The following ANKS1B variants were observed in gnomAD, a reference collection of about 807,000 sequenced individuals.
ANKS1B encodes the protein ankyrin repeat and sterile alpha motif domain-containing protein 1B.
In ANKS1B, 36 loss-of-function variants were observed where a neutral mutation model predicts 148.3. The ratio of observed to expected loss-of-function variants is 0.24; its 90% CI spans 0.19 to 0.32. ANKS1B has a LOEUF of 0.32. Among genes scored for constraint, ANKS1B ranks in the 10% least tolerant of loss-of-function variants. The pLI is 1.00. For synonymous variants in ANKS1B, 542 were observed against 560.8 expected, an observed-to-expected ratio of 0.97 and a Z score of 0.47; for missense variants, 1,157 against 1,542.6, an observed-to-expected ratio of 0.75 and a Z score of 4.19.
At chr12:99,697,758 T>A (rs1028254995) in intron 8 of ANKS1B, among the ~76,000 whole-genome samples, 4 of 152,124 alleles carry the variant, frequency 2.6e-5, no homozygotes, top group African/African-American at 7.2e-5. Flanking sequence ...TAATAATGTA[T>A]CAATATCAGT....
chr12:99,436,510 C>T (rs1002161054), intron 11 of ANKS1B, among the ~76,000 whole-genome samples: 3 of 151,896 alleles, frequency 2.0e-5, no homozygotes, highest in South Asian at 2.1e-4. Context: ...TGTACTCTTT[C>T]CAAGTTATAT....
chr12:99,541,271 C>G (rs980053313), intron 9 of ANKS1B, among the ~76,000 whole-genome samples: 4 of 152,084 alleles, frequency 2.6e-5, no homozygotes, highest in African/African-American at 9.7e-5. Flanking sequence ...GAAACACTTT[C>G]AAATTCATTT....
intron 25 of ANKS1B, among the ~76,000 whole-genome samples, chr12:98,768,882 A>AG (rs5800362): frequency 0.5 from 75,033 of 151,432 alleles, 19,093 homozygotes; most frequent in East Asian, 0.74. Context: ...TAGCTTCTGT[A>AG]GGGGGGGCTC....
chr12:99,223,490 G>A (rs1329953563), intron 14 of ANKS1B, among the ~76,000 whole-genome samples: 3 of 151,982 alleles, frequency 2.0e-5, no homozygotes, highest in Admixed American at 6.6e-5. Flanking sequence ...GGGAGACAGT[G>A]ACAGATCATC....
At chr12:99,650,845 T>TTCTAATTTTGCAAGTAAAAAGTCTGC (rs2153436290) in intron 9 of ANKS1B, among the ~76,000 whole-genome samples, 1 of 152,222 alleles carries the variant, frequency 6.6e-6, no homozygotes, top group South Asian at 2.1e-4. Flanking sequence ...TTAGCCAATA[T>TTCTAATTTTGCAAGTAAAAAGTCTGC]TCTAATTTTG....
chr12:99,120,789 G>A (rs2062596225), intron 15 of ANKS1B, among the ~76,000 whole-genome samples: 1 of 152,086 alleles, frequency 6.6e-6, no homozygotes, highest in Non-Finnish European at 1.5e-5. Flanking sequence ...TGAGGTCCCT[G>A]GGGGGCATCC....
At chr12:99,913,126 C>T (rs1161110609) in intron 1 of ANKS1B, among the ~76,000 whole-genome samples, 1 of 152,178 alleles carries the variant, frequency 6.6e-6, no homozygotes, top group Non-Finnish European at 1.5e-5. Flanking sequence ...AACCATTTTG[C>T]TTCTACCATA....
intron 4 of ANKS1B, among the ~76,000 whole-genome samples, chr12:99,783,201 A>G (rs1032937931): frequency 2.6e-5 from 4 of 151,782 alleles, no homozygotes; most frequent in African/African-American, 4.8e-5. Context: ...AAAAAAAAAA[A>G]AAAAGAAAAG....
chr12:99,050,858 A>ATT (rs576571213), intron 17 of ANKS1B, among the ~76,000 whole-genome samples: 2 of 141,364 alleles, frequency 1.4e-5, no homozygotes, highest in African/African-American at 5.2e-5. Context: ...CGCCCGGCTA[A>ATT]TTTTTTTTTT....
intron 19 of ANKS1B, among the ~76,000 whole-genome samples, chr12:98,814,053 G>GT (rs1282915778): frequency 1.7e-5 from 1 of 58,648 alleles, no homozygotes; most frequent in East Asian, 5.1e-4. Flanking sequence ...GCTGATTTTT[G>GT]TATTTTTAGT....
At chr12:99,324,757 G>C (rs1444134840) in intron 12 of ANKS1B, among the ~76,000 whole-genome samples, 1 of 152,090 alleles carries the variant, frequency 6.6e-6, no homozygotes, top group African/African-American at 2.4e-5. Context: ...AAGAGAGTCA[G>C]TCTGCCCTTG....
intron 12 of ANKS1B, among the ~76,000 whole-genome samples, chr12:99,264,307 G>T (rs1232576289): frequency 2.6e-5 from 4 of 151,902 alleles, no homozygotes; most frequent in Non-Finnish European, 5.9e-5. Context: ...TGGATCTCAT[G>T]GATCTTTCCC....
At chr12:99,163,471 G>GTGTGTC (rs1418110843) in intron 14 of ANKS1B, among the ~76,000 whole-genome samples, 1 of 142,840 alleles carries the variant, frequency 7.0e-6, no homozygotes, top group Non-Finnish European at 1.5e-5. Flanking sequence ...TGCACTCTGT[G>GTGTGTC]TGTGTGTGTG....
intron 8 of ANKS1B, among the ~76,000 whole-genome samples, chr12:99,756,687 C>T (rs551510803): frequency 1.1e-4 from 17 of 152,086 alleles, no homozygotes; most frequent in African/African-American, 3.9e-4. Flanking sequence ...TACTATGGGG[C>T]TACAGCAACC....
intron 25 of ANKS1B, among the ~76,000 whole-genome samples, chr12:98,754,345 A>G (rs1391110501): frequency 2.0e-5 from 3 of 152,186 alleles, no homozygotes. Context: ...TCCACTGCCT[A>G]CACTTGGCAC....
chr12:99,065,614 CCATCCATCCATCCATCCATCCATCCCAT>C (rs1423486246), intron 16 of ANKS1B, among the ~76,000 whole-genome samples: 1 of 147,198 alleles, frequency 6.8e-6, no homozygotes, highest in Admixed American at 6.8e-5. Context: ...ATCCATCCAT[CCATCCATCCATCCATCCATCCATCCCAT>C]CCATCCATCC....
chr12:98,933,509 C>T (rs2099815606), intron 17 of ANKS1B, among the ~76,000 whole-genome samples: 1 of 152,028 alleles, frequency 6.6e-6, no homozygotes, highest in African/African-American at 2.4e-5. Flanking sequence ...GTGGGGGATA[C>T]ATACCCAGAA....
intron 15 of ANKS1B, among the ~76,000 whole-genome samples, chr12:99,137,174 A>G (rs1390601807): frequency 6.6e-6 from 1 of 152,226 alleles, no homozygotes; most frequent in African/African-American, 2.4e-5. Context: ...AGCTCTGATT[A>G]CAGCTTCTAA....
intron 9 of ANKS1B, among the ~76,000 whole-genome samples, chr12:99,544,312 T>C (rs2097153597): frequency 6.6e-6 from 1 of 152,098 alleles, no homozygotes; most frequent in Admixed American, 6.6e-5. Flanking sequence ...ACAGTCAATG[T>C]AGTAGGTTTT....
Sources: allele counts gnomAD v4.1 joint callset (sites outside exome capture counted in the v4.1 genomes callset), GRCh38; gene constraint gnomAD v4.1.1; transcripts MANE v1.5; gene names NCBI Gene and HGNC (gene_info 2026-07-23, HGNC 2026-07-21).